The following SKAP1 variants were observed in gnomAD, a reference collection of about 807,000 sequenced individuals.
SKAP1 encodes src kinase-associated phosphoprotein 1.
In SKAP1, 44 loss-of-function variants were observed where a neutral mutation model predicts 58.5. The observed-to-expected ratio is 0.75, with a 90% CI of 0.59 to 0.97. The LOEUF (loss-of-function observed/expected upper bound fraction) is 0.97, where lower values mean the gene tolerates loss of function less well. Among genes scored for constraint, SKAP1 ranks in the 50% least tolerant of loss-of-function variants. The pLI is 0.00. For synonymous variants in SKAP1, 127 were observed against 149.7 expected, an observed-to-expected ratio of 0.85 and a Z score of 1.11; for missense variants, 390 against 435.2, an observed-to-expected ratio of 0.90 and a Z score of 0.92.
intron 4 of SKAP1, among the ~76,000 whole-genome samples, chr17:48,265,778 C>T (rs1004043799): frequency 1.3e-5 from 2 of 152,098 alleles, no homozygotes; most frequent in African/African-American, 4.8e-5. Context: ...GAGAAAACAC[C>T]TTTGGGAGCT....
chr17:48,414,290 G>C (rs1462026718), intron 1 of SKAP1, among the ~76,000 whole-genome samples: 1 of 152,064 alleles, frequency 6.6e-6, no homozygotes, highest in East Asian at 1.9e-4. Flanking sequence ...CCCAAAATTA[G>C]CAGGCCAAGA....
chr17:48,187,083 C>G (rs1034936856), intron 6 of SKAP1, among the ~76,000 whole-genome samples: 6 of 152,174 alleles, frequency 3.9e-5, no homozygotes, highest in African/African-American at 1.4e-4. Flanking sequence ...ATCCCCTATT[C>G]GAAAGTTTGC....
intron 6 of SKAP1, among the ~76,000 whole-genome samples, chr17:48,187,094 A>G (rs2064466182): frequency 6.6e-6 from 1 of 152,212 alleles, no homozygotes; most frequent in Admixed American, 6.5e-5. Context: ...GAAAGTTTGC[A>G]TTCATCTATA....
At chr17:48,374,797 T>A (rs1163710512) in intron 2 of SKAP1, among the ~76,000 whole-genome samples, 1 of 152,216 alleles carries the variant, frequency 6.6e-6, no homozygotes, top group Non-Finnish European at 1.5e-5. Flanking sequence ...AAGAGTAACA[T>A]GGCCAGTGAC....
At chr17:48,387,149 C>CA (rs1482931890) in intron 2 of SKAP1, among the ~76,000 whole-genome samples, 18 of 152,196 alleles carry the variant, frequency 1.2e-4, no homozygotes, top group African/African-American at 4.3e-4. Flanking sequence ...ACAAGATTCG[C>CA]AAAATAAAGT....
chr17:48,298,769 CT>C (rs2066017428), intron 4 of SKAP1, among the ~76,000 whole-genome samples: 1 of 152,120 alleles, frequency 6.6e-6, no homozygotes, highest in Non-Finnish European at 1.5e-5. Context: ...AGTGCAATTA[CT>C]CTTTTTCTTA....
At chr17:48,270,637 G>C (rs1190546940) in intron 4 of SKAP1, among the ~76,000 whole-genome samples, 2 of 151,956 alleles carry the variant, frequency 1.3e-5, no homozygotes, top group Non-Finnish European at 2.9e-5. Flanking sequence ...CACTGCGCCT[G>C]GCCCTATTTT....
At chr17:48,415,477 A>G (rs1398307345) in intron 1 of SKAP1, among the ~76,000 whole-genome samples, 1 of 152,132 alleles carries the variant, frequency 6.6e-6, no homozygotes, top group Non-Finnish European at 1.5e-5. Flanking sequence ...TTACTTCATC[A>G]GCCCCCTGCA....
intron 4 of SKAP1, among the ~76,000 whole-genome samples, chr17:48,325,187 T>A (rs1002132571): frequency 2.9e-5 from 4 of 139,404 alleles, no homozygotes; most frequent in Non-Finnish European, 6.0e-5. Context: ...AGGCGGAGCT[T>A]GCAGTGAGCG....
At chr17:48,420,541 T>C (rs1203213645) in intron 1 of SKAP1, among the ~76,000 whole-genome samples, 2 of 152,136 alleles carry the variant, frequency 1.3e-5, no homozygotes, top group East Asian at 3.9e-4. Context: ...GGCTGGGAAC[T>C]AAATCAAGTG....
chr17:48,225,689 TCTAA>T (rs1567828268), intron 4 of SKAP1, among the ~76,000 whole-genome samples: 1 of 152,190 alleles, frequency 6.6e-6, no homozygotes, highest in Non-Finnish European at 1.5e-5. Flanking sequence ...GCCTGCCTGT[TCTAA>T]CTATGATGCA....
intron 11 of SKAP1, among the ~76,000 whole-genome samples, chr17:48,145,216 T>G (rs1397674394): frequency 6.6e-6 from 1 of 152,110 alleles, no homozygotes; most frequent in Non-Finnish European, 1.5e-5. Context: ...CCCACCTCCT[T>G]GAACAACCCA....
chr17:48,384,023 C>T (rs368473339), intron 2 of SKAP1, among the ~76,000 whole-genome samples: 17 of 152,018 alleles, frequency 1.1e-4, no homozygotes, highest in Admixed American at 3.3e-4. Context: ...ACCATGCCAG[C>T]GAATAAATTA....
intron 1 of SKAP1, among the ~76,000 whole-genome samples, chr17:48,406,762 C>T (rs2067591883): frequency 6.6e-6 from 1 of 152,052 alleles, no homozygotes; most frequent in African/African-American, 2.4e-5. Context: ...GACGAGGTTT[C>T]CCCATGTTAG....
intron 4 of SKAP1, among the ~76,000 whole-genome samples, chr17:48,229,667 T>C (rs1375852840): frequency 6.6e-6 from 1 of 151,996 alleles, no homozygotes; most frequent in African/African-American, 2.4e-5. Context: ...AAATAAAATA[T>C]TTGCAGTTTT....
At chr17:48,440,001 T>G in the SKAP1 span, among the ~76,000 whole-genome samples, 2 of 152,052 alleles carry the variant, frequency 1.3e-5, no homozygotes, top group African/African-American at 4.8e-5. Context: ...CTCTTCCCCT[T>G]CCTCTTATCT....
chr17:48,412,708 A>G (rs564170641), intron 1 of SKAP1, among the ~76,000 whole-genome samples: 38 of 152,332 alleles, frequency 2.5e-4, no homozygotes, highest in African/African-American at 9.1e-4. Context: ...ACTGACAAAT[A>G]TCCTTACTAA....
At chr17:48,338,640 T>C (rs2066607800) in intron 4 of SKAP1, among the ~76,000 whole-genome samples, 1 of 152,154 alleles carries the variant, frequency 6.6e-6, no homozygotes, top group Non-Finnish European at 1.5e-5. Flanking sequence ...TATCAACACA[T>C]GTGAGAGCAC....
chr17:48,327,440 C>T (rs1000065247), intron 4 of SKAP1, among the ~76,000 whole-genome samples: 16 of 152,166 alleles, frequency 1.1e-4, no homozygotes, highest in South Asian at 2.1e-4. Context: ...TACATCTGCA[C>T]TTTAATTTCT....
Sources: gnomAD v4.1 joint callset for allele counts (sites outside exome capture counted in the v4.1 genomes callset) on GRCh38, gnomAD v4.1.1 for gene constraint, MANE v1.5 for transcripts, NCBI Gene and HGNC (gene_info 2026-07-23, HGNC 2026-07-21) for gene names.